Variants in RANBP2 observed in about 807,000 individuals in gnomAD.
RANBP2 encodes the protein E3 SUMO-protein ligase RanBP2.
Under a neutral mutation model 303.6 loss-of-function variants are expected in RANBP2, and 57 were observed. The observed-to-expected ratio is 0.19, with a 90% CI of 0.15 to 0.23. The LOEUF (loss-of-function observed/expected upper bound fraction) is 0.23. RANBP2 is among the 10% of genes least tolerant of loss of function. The probability of loss-of-function intolerance (pLI) is 1.00; values close to 1 mark genes in which losing one functional copy is unlikely to be tolerated. For synonymous variants in RANBP2, 1,167 were observed against 1,301.5 expected, an observed-to-expected ratio of 0.90 and a Z score of 2.23; for missense variants, 3,138 against 3,780.8, an observed-to-expected ratio of 0.83 and a Z score of 4.46.
chr2:109,258,872 C>T, the RANBP2 span, among the ~76,000 whole-genome samples: 9 of 152,190 alleles, frequency 5.9e-5, no homozygotes, highest in Non-Finnish European at 5.9e-5. Flanking sequence ...CTGGATTTGA[C>T]GAGAACACTC....
chr2:109,326,652 A>G, the RANBP2 span, among the ~76,000 whole-genome samples: 6 of 152,298 alleles, frequency 3.9e-5, no homozygotes, highest in Non-Finnish European at 7.3e-5. Context: ...AGCCTTTTCT[A>G]CAATGCCTGT....
chr2:108,764,299 T>G lies in RANBP2; in HGVS notation c.3760T>G (p.Leu1254Val). The change falls in exon 20 of 29, where the codon TTG becomes GTG. Residue 1254 changes from leucine (L) to valine (V), a missense_variant. Around this residue, in one of 20 missense-constraint regions of RANBP2, gnomAD observed 72 missense variants for 119.5 expected, o/e 0.60. Coordinates refer to ENST00000283195, the MANE Select transcript of RANBP2 (RefSeq NM_006267.5). ...ANHYISPDMKLTPNAGSDRSF... is the reference protein window; with the variant it reads ...ANHYISPDMKVTPNAGSDRSF... ...TCATTACATCAGTCCAGATATGAAA[T>G]TGACACCAAATGCTGGATCAGACAG... is the stretch of plus-strand genomic sequence containing the variant. 1 of 1,613,832 alleles carries G rather than the reference T, an allele frequency of 6.2e-7. No individual in the cohort carries two copies.
chr2:108,726,357 C>T (rs1694706129), intron 1 of RANBP2, among the ~76,000 whole-genome samples: 1 of 151,314 alleles, frequency 6.6e-6, no homozygotes, highest in African/African-American at 2.4e-5. Context: ...CACCAAAGAG[C>T]AAGAGTAGCG....
chr2:108,732,504 C>T (rs1695245402), intron 4 of RANBP2, among the ~76,000 whole-genome samples: 1 of 152,158 alleles, frequency 6.6e-6, no homozygotes, highest in African/African-American at 2.4e-5. Flanking sequence ...TGGTCTCAAG[C>T]ATTTTGCATA....
At chr2:108,906,814 T>C in the RANBP2 span, among the ~76,000 whole-genome samples, 1 of 152,206 alleles carries the variant, frequency 6.6e-6, no homozygotes, top group Admixed American at 6.5e-5. Flanking sequence ...CATGGCCACC[T>C]ATCTCCCTTG....
the RANBP2 span, among the ~76,000 whole-genome samples, chr2:109,596,733 T>C: frequency 5.3e-3 from 811 of 152,312 alleles, 6 homozygotes; most frequent in African/African-American, 0.019. Flanking sequence ...ATATCTGCTT[T>C]TGTTTATTCA....
the RANBP2 span, among the ~76,000 whole-genome samples, chr2:109,592,702 C>T: frequency 1.3e-5 from 2 of 151,228 alleles, no homozygotes; most frequent in African/African-American, 4.9e-5. Flanking sequence ...ATCGCTTGAA[C>T]CCGGGAGGCA....
At chr2:109,633,961 C>T in the RANBP2 span, among the ~76,000 whole-genome samples, 5 of 151,080 alleles carry the variant, frequency 3.3e-5, no homozygotes, top group Non-Finnish European at 4.4e-5. Flanking sequence ...CTCTATTAAA[C>T]ATACAAAAAT....
At chr2:109,090,895 A>C in the RANBP2 span, among the ~76,000 whole-genome samples, 2 of 152,094 alleles carry the variant, frequency 1.3e-5, no homozygotes, top group Non-Finnish European at 2.9e-5. Flanking sequence ...CTATTTTTTC[A>C]TACAATTTTC....
the RANBP2 span, among the ~76,000 whole-genome samples, chr2:109,703,797 C>A: frequency 6.6e-6 from 1 of 152,224 alleles, no homozygotes; most frequent in East Asian, 1.9e-4. Context: ...CTCCTTTTAT[C>A]TAACACACAC....
At chr2:109,226,315 A>T in the RANBP2 span, among the ~76,000 whole-genome samples, 1 of 152,188 alleles carries the variant, frequency 6.6e-6, no homozygotes, top group South Asian at 2.1e-4. Flanking sequence ...CATTTTGAAC[A>T]TGACCCTGCC....
rs1695524554 is a variant in RANBP2, at chr2:108,735,715, T to C, written c.589T>C (p.Leu197=). 13 of 1,597,492 alleles carry C rather than the reference T, an allele frequency of 8.1e-6. No homozygotes were observed. The highest frequency in any genetic ancestry group is 1.1e-5 in the Non-Finnish European group (13 of 1,179,800). The change falls in exon 5 of 29, where the codon TTG becomes CTG. Residue 197 remains leucine (L), a synonymous_variant. Coordinates refer to ENST00000283195, the MANE Select transcript of RANBP2 (RefSeq NM_006267.5). The stretch of plus-strand genomic sequence containing the variant: ...CCATGAGGCAGAGAGGAACATAGCT[T>C]TGCGTTCAAGTTTAGAATGGAATTC... ...HCHEAERNIA[L]RSSLEWNSCV... is the part of the protein sequence containing the mutation.
chr2:109,281,872 G>A, the RANBP2 span, among the ~76,000 whole-genome samples: 1 of 152,184 alleles, frequency 6.6e-6, no homozygotes, highest in Non-Finnish European at 1.5e-5. Context: ...TAGAGCTGAC[G>A]GTTCCCACTG....
chr2:109,659,311 G>A, the RANBP2 span, among the ~76,000 whole-genome samples: 1 of 151,810 alleles, frequency 6.6e-6, no homozygotes. Context: ...GGAGGCAGAG[G>A]TCGCAGTGAG....
the RANBP2 span, chr2:108,883,052 GTTCAA>G: frequency 1.3e-5 from 2 of 152,172 alleles, no homozygotes; most frequent in East Asian, 1.9e-4. Flanking sequence ...ATTCAGCAGT[GTTCAA>G]TTCATTTCTT....
At chr2:109,114,064 A>C in the RANBP2 span, among the ~76,000 whole-genome samples, 2 of 152,144 alleles carry the variant, frequency 1.3e-5, no homozygotes, top group Non-Finnish European at 2.9e-5. Flanking sequence ...TTTTTGCATC[A>C]ATGTTCATCA....
the RANBP2 span, among the ~76,000 whole-genome samples, chr2:109,390,638 G>A: frequency 6.6e-6 from 1 of 152,196 alleles, no homozygotes; most frequent in Non-Finnish European, 1.5e-5. Context: ...AGGTGCAAGT[G>A]GGGGTGCGGT....
the RANBP2 span, among the ~76,000 whole-genome samples, chr2:109,078,770 C>T: frequency 6.8e-6 from 1 of 147,642 alleles, no homozygotes; most frequent in South Asian, 2.2e-4. Flanking sequence ...ATCACGAGGT[C>T]AGGAGATCGA....
the RANBP2 span, among the ~76,000 whole-genome samples, chr2:109,717,520 G>T: frequency 3.2e-4 from 46 of 145,300 alleles, no homozygotes; most frequent in East Asian, 1.3e-3. Context: ...AGGCAGAGGT[G>T]GCAGTGAGCT....
Sources: gnomAD v4.1 joint callset for allele counts (sites outside exome capture counted in the v4.1 genomes callset) on GRCh38, gnomAD v4.1.1 for gene constraint, gnomAD v4.1.1 regional missense constraint, MANE v1.5 for transcripts, NCBI Gene and HGNC (gene_info 2026-07-23, HGNC 2026-07-21) for gene names.